RRH: variants seen among roughly 807,000 people sequenced by gnomAD.
RRH encodes the protein visual pigment-like receptor peropsin.
In RRH, 36 loss-of-function variants were observed where a neutral mutation model predicts 33.1. The ratio of observed to expected loss-of-function variants is 1.09; its 90% CI spans 0.83 to 1.44. The LOEUF (loss-of-function observed/expected upper bound fraction) is 1.44, where lower values mean the gene tolerates loss of function less well. RRH is among the 40% of genes most tolerant of loss of function. The pLI is 0.00. For missense variants in RRH, 393 were observed against 420.2 expected (o/e 0.94, Z 0.57); for synonymous variants, 124 against 140.2 (o/e 0.88, Z 0.82).
intron 2 of RRH, among the ~76,000 whole-genome samples, chr4:109,834,100 T>C (rs1347707736): frequency 6.6e-6 from 1 of 152,202 alleles, no homozygotes; most frequent in Non-Finnish European, 1.5e-5. Context: ...CCAGATACTG[T>C]CTGAATACTT....
chr4:109,836,290 T>C, intron 4 of RRH, 130 bp downstream of exon 4: 2 of 953,826 alleles, frequency 2.1e-6, no homozygotes, highest in South Asian at 1.4e-5. Context: ...GTAGTGATGA[T>C]GTGATTCTCA....
chr4:109,837,383 T>C (rs879353516), intron 4 of RRH, 54 bp from the exon 5 acceptor site: 28 of 1,424,796 alleles, frequency 2.0e-5, no homozygotes, highest in African/African-American at 2.8e-5. Flanking sequence ...TCTTTCTCCT[T>C]CCCCCACTTA....
intron 1 of RRH, among the ~76,000 whole-genome samples, chr4:109,831,492 T>C (rs894258611): frequency 2.0e-5 from 3 of 152,110 alleles, no homozygotes; most frequent in Non-Finnish European, 4.4e-5. Flanking sequence ...TTAAATTATA[T>C]AGTGTTACAT....
intron 1 of RRH, among the ~76,000 whole-genome samples, chr4:109,829,169 C>G (rs1359912129): frequency 1.8e-5 from 1 of 55,506 alleles, no homozygotes; most frequent in Admixed American, 2.4e-4. Flanking sequence ...ATCCTATACC[C>G]AGTTTATAAT....
chr4:109,833,390 G>A lies in RRH; in HGVS notation c.297+61G>A. 4 of 1,327,340 alleles carry A rather than the reference G, an allele frequency of 3.0e-6. No homozygotes were observed. In the South Asian group the frequency reaches 3.7e-5, roughly 12 times the overall value. 82.2% of individuals were successfully genotyped at this position (1,327,340 alleles called of 1,614,324 possible). A position where few individuals can be genotyped will look rare whatever the true frequency, so the allele number is the denominator to read the frequency against. The stretch of plus-strand genomic sequence containing the variant: ...AGATCAAATAAATGTAAATTTAAAT[G>A]TCTAAAACGAATCCCAAGAGTTTAA... On this transcript the variant is annotated intron_variant, in intron 2 of 6. Transcript: ENST00000317735.
intron 1 of RRH, 70 bp downstream of exon 1, chr4:109,828,203 C>A (rs1169404327): frequency 2.9e-6 from 3 of 1,048,052 alleles, no homozygotes; most frequent in Non-Finnish European, 4.4e-6. Context: ...CAGCATAAGG[C>A]ATGCATTGTT....
At chr4:109,841,495 CA>C (rs1385737877) in intron 5 of RRH, among the ~76,000 whole-genome samples, 4 of 152,022 alleles carry the variant, frequency 2.6e-5, no homozygotes, top group African/African-American at 7.2e-5. Flanking sequence ...ACTGAGTGGA[CA>C]GGGGTAAAGA....
chr4:109,836,205 G>T, intron 4 of RRH, 45 bp downstream of exon 4: 1 of 1,597,070 alleles, frequency 6.3e-7, no homozygotes, highest in Non-Finnish European at 8.6e-7. Flanking sequence ...TTCTAATGTA[G>T]ACATTTTCTC....
At position 109,835,463 on chromosome 4, in the gene RRH, T is replaced by G. The variant is rs374052886; in HGVS notation, c.395T>G (p.Val132Gly). 10 of 1,608,728 alleles carry G rather than the reference T, an allele frequency of 6.2e-6. No homozygotes were observed. The African/African-American group carries it at 1.2e-4, about 19-fold the overall frequency. The change falls in exon 3 of 7, where the codon GTA (valine) becomes GGA (glycine). Residue 132 changes from valine to glycine, a missense_variant and splice_region_variant. By Grantham distance (109) the Val-to-Gly change is moderately radical. Transcript: ENST00000317735. ...TACCTGACCATCTGCCTTCCTGACG[T>G]AGGTACAACACTTTTCTCAGCTTTC... ...DRYLTICLPD[V>G]GRRMTTNTYI...
chr4:109,838,132 G>A (rs1237742348), intron 5 of RRH, among the ~76,000 whole-genome samples: 1 of 151,820 alleles, frequency 6.6e-6, no homozygotes, highest in Non-Finnish European at 1.5e-5. Flanking sequence ...GGATATTTTT[G>A]TTGGTCATCA....
At chr4:109,836,504 CAG>C (rs1198777957) in intron 4 of RRH, among the ~76,000 whole-genome samples, 4 of 152,176 alleles carry the variant, frequency 2.6e-5, no homozygotes, top group South Asian at 2.1e-4. Flanking sequence ...TGAAGCTAGA[CAG>C]AGTGTGCAGT....
At chr4:109,833,419 G>C (rs1733804070) in intron 2 of RRH, 90 bp downstream of exon 2, 2 of 970,482 alleles carry the variant, frequency 2.1e-6, no homozygotes, top group South Asian at 2.8e-5. Context: ...AGTTTAAATT[G>C]AATATTGTAG....
chr4:109,838,051 A>T (rs1239701440), intron 5 of RRH, among the ~76,000 whole-genome samples: 2 of 152,154 alleles, frequency 1.3e-5, no homozygotes, highest in Non-Finnish European at 2.9e-5. Flanking sequence ...AAATGCTGGG[A>T]TTACAGGTGT....
chr4:109,837,439 CT>C lies in RRH; in HGVS notation c.558del (p.Phe186LeufsTer6), dbSNP rs749170501. The stretch of plus-strand genomic sequence containing the variant: ...TGATTGCCTTTTCTTATTTTCAGAT[CT>C]TTTGTGTCTTACACCATGACAGTTA... ...CTINWRKNDR[S>X]FVSYTMTVIA... On this transcript the variant is annotated frameshift_variant, in exon 5 of 7. Transcript: ENST00000317735. LOFTEE classifies it high-confidence loss of function. 18 of 1,613,754 alleles carry C rather than the reference CT, an allele frequency of 1.1e-5. No homozygotes were observed. In the South Asian group the frequency reaches 1.9e-4, roughly 17 times the overall value.
chr4:109,842,620 C>T lies in RRH; in HGVS notation c.872C>T (p.Pro291Leu). The T allele has an allele frequency of 1.2e-6, 2 of 1,613,938 alleles. No homozygotes were observed. The highest frequency in any genetic ancestry group is 1.7e-6 in the Non-Finnish European group (2 of 1,179,848). Reference sequence around the variant, plus strand: ...GCAAAATCTTCTACATTCTATAACCCCTGCATTTATGTGGTTGCTAATAAA... The same window carrying T: ...GCAAAATCTTCTACATTCTATAACCTCTGCATTTATGTGGTTGCTAATAAA... ...LFAKSSTFYN[P>L]CIYVVANKKF... Residue 291 changes from proline (P) to leucine (L), a missense_variant, in exon 6 of 7, where the codon CCC becomes CTC. Coordinates refer to ENST00000317735, the MANE Select transcript of RRH (RefSeq NM_006583.5).
intron 4 of RRH, 118 bp from the exon 5 acceptor site, chr4:109,837,319 T>TA: frequency 1.0e-6 from 1 of 955,918 alleles, no homozygotes; most frequent in Non-Finnish European, 1.6e-6. Flanking sequence ...AATATACTTC[T>TA]AAAATTATTT....
At position 109,844,926 on chromosome 4, in the gene RRH, A is replaced by G. The variant is rs1204756298; in HGVS notation, c.*729A>G. 6.6e-6 allele frequency among the ~76,000 whole-genome samples: 1 copy of G among 152,132 alleles called. No homozygotes were observed. The highest frequency in any genetic ancestry group is 2.4e-5 in the African/African-American group (1 of 41,444). ...GGCATGTAGTAGGCACTCAATAAAT[A>G]TTTTTTCAATGTCAAATGAATTTGT... On this transcript the variant is annotated 3_prime_UTR_variant, in exon 7 of 7. Coordinates refer to ENST00000317735, the MANE Select transcript of RRH (RefSeq NM_006583.5).
rs2125893250 is a variant in RRH at position 109,836,158 on chromosome 4, T to A, written c.549T>A (p.Asp183Glu). Residue 183 changes from aspartate (D) to glutamate (E), a missense_variant and splice_region_variant, in exon 4 of 7, where the codon GAT becomes GAA. Coordinates refer to ENST00000317735, the MANE Select transcript of RRH (RefSeq NM_006583.5). ...ATCTINWRKNDRSFVSYTMTV... is the reference protein window; with the variant it reads ...ATCTINWRKNERSFVSYTMTV... ...GTACCATAAACTGGAGGAAAAATGATAGGTAAGAGACAAGTTTACACTTTA... is the reference window on the plus strand; with the variant it reads ...GTACCATAAACTGGAGGAAAAATGAAAGGTAAGAGACAAGTTTACACTTTA... 6.2e-7 allele frequency: 1 copy of A among 1,614,036 alleles called. No homozygotes were observed. Among genetic ancestry groups the A allele is most frequent in the Middle Eastern group, 1.6e-4 (1 of 6,062 alleles).
At chr4:109,829,266 G>A (rs1490432035) in intron 1 of RRH, among the ~76,000 whole-genome samples, 1 of 151,828 alleles carries the variant, frequency 6.6e-6, no homozygotes, top group African/African-American at 2.4e-5. Flanking sequence ...TTTTAGTGAC[G>A]TTATCTCGTT....
Sources: allele counts gnomAD v4.1 joint callset (sites outside exome capture counted in the v4.1 genomes callset), GRCh38; gene constraint gnomAD v4.1.1; transcripts MANE v1.5; gene names NCBI Gene and HGNC (gene_info 2026-07-23, HGNC 2026-07-21).